STK32B: variants seen among roughly 807,000 people sequenced by gnomAD.
STK32B encodes serine/threonine-protein kinase 32B.
Under a neutral mutation model 52.6 loss-of-function variants are expected in STK32B, and 43 were observed. That is an observed-to-expected ratio of 0.82 (90% confidence interval 0.64 to 1.05). The LOEUF (loss-of-function observed/expected upper bound fraction) is 1.05. STK32B is among the 50% of genes least tolerant of loss of function. The probability of loss-of-function intolerance (pLI) is 0.00; values close to 1 mark genes in which losing one functional copy is unlikely to be tolerated. For synonymous variants in STK32B, 238 were observed against 204.3 expected, an observed-to-expected ratio of 1.17 and a Z score of -1.41; for missense variants, 621 against 534.6, an observed-to-expected ratio of 1.16 and a Z score of -1.59.
intron 3 of STK32B, among the ~76,000 whole-genome samples, chr4:5,226,770 A>G (rs572965143): frequency 2.6e-5 from 4 of 152,340 alleles, no homozygotes; most frequent in African/African-American, 9.6e-5. Context: ...TCTAATTTAT[A>G]ATGTACACTT....
intron 3 of STK32B, among the ~76,000 whole-genome samples, chr4:5,321,514 CTACTGTT>C (rs1273886238): frequency 6.6e-6 from 1 of 152,202 alleles, no homozygotes; most frequent in Admixed American, 6.5e-5. Context: ...GGAGCAGGAG[CTACTGTT>C]TCAGGCTCAC....
chr4:5,351,680 T>C (rs1733835039), intron 4 of STK32B, among the ~76,000 whole-genome samples: 1 of 151,924 alleles, frequency 6.6e-6, no homozygotes, highest in Non-Finnish European at 1.5e-5. Flanking sequence ...AGAAAGTTGG[T>C]TTTTTGAAAA....
At chr4:5,122,353 T>TG (rs1446123811) in intron 1 of STK32B, among the ~76,000 whole-genome samples, 7 of 145,364 alleles carry the variant, frequency 4.8e-5, no homozygotes, top group African/African-American at 1.9e-4. Context: ...CACTGATTCA[T>TG]GCACTTGTTC....
chr4:5,358,791 C>A (rs1734346723), intron 4 of STK32B, among the ~76,000 whole-genome samples: 1 of 152,104 alleles, frequency 6.6e-6, no homozygotes, highest in African/African-American at 2.4e-5. Context: ...TCCCTTTCCC[C>A]ATCTTGAAAG....
intron 4 of STK32B, among the ~76,000 whole-genome samples, chr4:5,339,789 C>T (rs896393906): frequency 1.3e-5 from 2 of 152,136 alleles, no homozygotes; most frequent in Non-Finnish European, 2.9e-5. Flanking sequence ...CTGATTAAAC[C>T]TACTTCTTGG....
chr4:5,059,947 A>G (rs1399400868), intron 1 of STK32B, among the ~76,000 whole-genome samples: 2 of 152,136 alleles, frequency 1.3e-5, no homozygotes, highest in Non-Finnish European at 2.9e-5. Flanking sequence ...AAACTTTGGG[A>G]GAGTTTGTGA....
chr4:5,280,445 C>G (rs1483529718), intron 3 of STK32B, among the ~76,000 whole-genome samples: 1 of 152,184 alleles, frequency 6.6e-6, no homozygotes, highest in East Asian at 1.9e-4. Context: ...CTGACTCTCC[C>G]TCGTCTCCCT....
At chr4:5,297,200 G>A (rs1192352932) in intron 3 of STK32B, among the ~76,000 whole-genome samples, 1 of 152,154 alleles carries the variant, frequency 6.6e-6, no homozygotes, top group East Asian at 1.9e-4. Context: ...CTCTCTGGCT[G>A]CCCTTAACAT....
chr4:5,409,540 T>A (rs1737885715), intron 5 of STK32B, among the ~76,000 whole-genome samples: 1 of 152,004 alleles, frequency 6.6e-6, no homozygotes, highest in Non-Finnish European at 1.5e-5. Context: ...AGAGAAATGG[T>A]GGAATAACAC....
chr4:5,362,078 TTAATG>T (rs1429455403), intron 4 of STK32B, among the ~76,000 whole-genome samples: 5 of 152,170 alleles, frequency 3.3e-5, no homozygotes, highest in Non-Finnish European at 7.4e-5. Context: ...CAAGCTTACT[TTAATG>T]TATGAGAGAC....
chr4:5,466,993 G>T (rs886440483), intron 10 of STK32B, among the ~76,000 whole-genome samples, 159 bp downstream of exon 10: 3 of 152,178 alleles, frequency 2.0e-5, no homozygotes, highest in Non-Finnish European at 4.4e-5. Flanking sequence ...CAAGTAGGGG[G>T]AAAGAGTGAA....
intron 4 of STK32B, among the ~76,000 whole-genome samples, chr4:5,373,177 A>G (rs1271635698): frequency 6.6e-6 from 1 of 152,182 alleles, no homozygotes; most frequent in Non-Finnish European, 1.5e-5. Context: ...ACTCATGCAT[A>G]TAGCTCGCCC....
intron 3 of STK32B, among the ~76,000 whole-genome samples, chr4:5,279,713 C>A (rs747327821): frequency 1.3e-4 from 20 of 152,194 alleles, no homozygotes; most frequent in Non-Finnish European, 1.2e-4. Context: ...TGCCATACAT[C>A]CTCTGACATC....
intron 1 of STK32B, among the ~76,000 whole-genome samples, chr4:5,094,945 A>G (rs1713299815): frequency 6.6e-6 from 1 of 152,170 alleles, no homozygotes; most frequent in South Asian, 2.1e-4. Flanking sequence ...ACTGCACACT[A>G]CTAGCTGCCA....
At chr4:5,488,032 G>T (rs1458233458) in intron 11 of STK32B, among the ~76,000 whole-genome samples, 1 of 152,114 alleles carries the variant, frequency 6.6e-6, no homozygotes, top group Non-Finnish European at 1.5e-5. Flanking sequence ...TGGTCTATAG[G>T]CAGATAACAA....
rs1176083130 is a variant in STK32B, at chr4:5,317,035, A to AATATATT, written c.261-14178_261-14172dup. ...ATATAATATATAATATATATGATAT[A>AATATATT]ATATATTATATATATAATATATATG... On this transcript the variant is annotated intron_variant, in intron 3 of 11. Coordinates refer to ENST00000282908, the MANE Select transcript of STK32B (RefSeq NM_018401.3). Among the ~76,000 whole-genome samples, 7 of 24,276 alleles carry AATATATT rather than the reference A, an allele frequency of 2.9e-4. 1 individual carries two copies. Among genetic ancestry groups the AATATATT allele is most frequent in the East Asian group, 4.0e-3 (2 of 506 alleles). The allele number at this position is 24,276 out of a possible 152,430, so 15.9% of individuals were successfully genotyped here.
chr4:5,370,252 C>T (rs1409926738), intron 4 of STK32B, among the ~76,000 whole-genome samples: 2 of 152,210 alleles, frequency 1.3e-5, no homozygotes, highest in Admixed American at 1.3e-4. Context: ...AGGCTGCAAG[C>T]TCCTTGCAGA....
chr4:5,384,230 G>T (rs1193357387), intron 4 of STK32B, among the ~76,000 whole-genome samples: 1 of 152,292 alleles, frequency 6.6e-6, no homozygotes, highest in South Asian at 2.1e-4. Context: ...CCCGAGAAGG[G>T]TGTGGGCAAA....
At chr4:5,178,442 C>G (rs1390307078) in intron 3 of STK32B, among the ~76,000 whole-genome samples, 2 of 152,232 alleles carry the variant, frequency 1.3e-5, no homozygotes, top group Non-Finnish European at 1.5e-5. Flanking sequence ...CTGTGAAGGT[C>G]TCTGACATGT....
Sources: gnomAD v4.1 joint callset for allele counts (sites outside exome capture counted in the v4.1 genomes callset) on GRCh38, gnomAD v4.1.1 for gene constraint, MANE v1.5 for transcripts, NCBI Gene and HGNC (gene_info 2026-07-23, HGNC 2026-07-21) for gene names.